Variants in PSD3 observed in about 807,000 individuals in gnomAD.
PSD3 encodes pleckstrin and Sec7 domain containing 3.
A neutral mutation model predicts 105.5 loss-of-function variants in PSD3; 49 were observed. The observed-to-expected ratio is 0.46, with a 90% confidence interval of 0.37 to 0.59. PSD3 has a LOEUF of 0.59. Ranked by LOEUF, PSD3 falls within the 20% of genes least tolerant of loss-of-function variation. The probability of loss-of-function intolerance (pLI) is 0.00; values close to 1 mark genes in which losing one functional copy is unlikely to be tolerated. For synonymous variants in PSD3, 557 were observed against 457.8 expected, an observed-to-expected ratio of 1.22 and a Z score of -2.77; for missense variants, 1,561 against 1,263.8, an observed-to-expected ratio of 1.24 and a Z score of -3.57.
In PSD3 at chr8:18,842,229, C is replaced by G. The variant is rs150682288; in HGVS notation, c.1634+25445G>C. Among the ~76,000 whole-genome samples the G allele has an allele frequency of 1.7e-4, 26 of 152,334 alleles. No homozygotes were observed. In the East Asian group the frequency reaches 5.0e-3, roughly 29 times the overall value. The stretch of plus-strand genomic sequence containing the variant: ...AGACCAAAGCCACAGCTACTCTATG[C>G]GACATCACTATGTGAATTCCCATAA... On this transcript the variant is annotated intron_variant, in intron 4 of 15. Transcript: ENST00000327040.
chr8:18,782,746 C>T (rs932406476), intron 8 of PSD3, among the ~76,000 whole-genome samples: 1 of 152,120 alleles, frequency 6.6e-6, no homozygotes, highest in African/African-American at 2.4e-5. Flanking sequence ...GCAACAGCAG[C>T]AGAGGGCTAA....
At chr8:19,020,076 C>G (rs1563513422) in intron 1 of PSD3, among the ~76,000 whole-genome samples, 2 of 152,066 alleles carry the variant, frequency 1.3e-5, no homozygotes. Context: ...GGTAGTTATT[C>G]TTTCATTCAT....
intron 12 of PSD3, 93 bp from the exon 13 acceptor site, chr8:18,575,378 G>A (rs1025280801): frequency 3.8e-5 from 46 of 1,221,452 alleles, no homozygotes; most frequent in East Asian, 1.9e-4. Flanking sequence ...TAGTTTTTAG[G>A]AAATCCAAGT....
intron 1 of PSD3, among the ~76,000 whole-genome samples, chr8:19,023,581 A>G (rs947394129): frequency 2.4e-5 from 3 of 124,626 alleles, no homozygotes; most frequent in Middle Eastern, 3.8e-3. Context: ...ACAGACATGC[A>G]TTACCGCACC....
At chr8:19,019,972 G>A (rs1236488547) in intron 1 of PSD3, among the ~76,000 whole-genome samples, 1 of 152,158 alleles carries the variant, frequency 6.6e-6, no homozygotes, top group Non-Finnish European at 1.5e-5. Flanking sequence ...CGGGGCATAG[G>A]GTAGACTCAG....
intron 12 of PSD3, among the ~76,000 whole-genome samples, chr8:18,598,168 C>G (rs1426027190): frequency 8.7e-4 from 1 of 1,156 alleles, no homozygotes; most frequent in African/African-American, 1.4e-3. Flanking sequence ...GAACAAAAAA[C>G]CAAACACCGC....
intron 1 of PSD3, among the ~76,000 whole-genome samples, chr8:19,049,120 C>T (rs1828426172): frequency 6.6e-6 from 1 of 152,076 alleles, no homozygotes. Flanking sequence ...CTCATTTTAC[C>T]TTAATTACCT....
chr8:18,973,470 C>T (rs920390056), intron 1 of PSD3, among the ~76,000 whole-genome samples: 3 of 152,152 alleles, frequency 2.0e-5, no homozygotes, highest in African/African-American at 7.2e-5. Flanking sequence ...GATGGTCTTT[C>T]CTGTGTGTAT....
At chr8:18,890,308 T>C (rs1818706228) in intron 2 of PSD3, among the ~76,000 whole-genome samples, 1 of 152,196 alleles carries the variant, frequency 6.6e-6, no homozygotes, top group South Asian at 2.1e-4. Flanking sequence ...AAAAATTCAA[T>C]GCCAATTTAA....
intron 15 of PSD3, among the ~76,000 whole-genome samples, chr8:18,543,540 C>A (rs899066458): frequency 1.3e-5 from 2 of 151,974 alleles, no homozygotes; most frequent in Non-Finnish European, 2.9e-5. Flanking sequence ...ATGGCCTGAA[C>A]CCAGGAGGCG....
chr8:18,562,901 GAAAA>G (rs1801486619), intron 14 of PSD3, among the ~76,000 whole-genome samples: 2 of 9,208 alleles, frequency 2.2e-4, no homozygotes, highest in East Asian at 0.33. Flanking sequence ...TAAAGAAAAA[GAAAA>G]AGAAAAAGAA....
At chr8:18,750,602 C>A (rs561170290) in intron 9 of PSD3, among the ~76,000 whole-genome samples, 18 of 152,208 alleles carry the variant, frequency 1.2e-4, no homozygotes, top group African/African-American at 3.9e-4. Flanking sequence ...CCACTGCTGG[C>A]TCCGGCAGCC....
chr8:18,623,501 A>C (rs1416425393), intron 11 of PSD3, among the ~76,000 whole-genome samples: 1 of 150,458 alleles, frequency 6.6e-6, no homozygotes, highest in Non-Finnish European at 1.5e-5. Flanking sequence ...TTAGCTGGGC[A>C]TGGTGGTATA....
chr8:18,535,780 C>G lies in PSD3; in HGVS notation c.3107G>C (p.Arg1036Pro). ...TTGCTTAATGCTTGGTGTTTCAGGTCGGTGATCCTTCCTCTCTGACACGTT... is the reference window on the plus strand; with the variant it reads ...TTGCTTAATGCTTGGTGTTTCAGGTGGGTGATCCTTCCTCTCTGACACGTT... ...KRNVSERKDH[R>P]PETPSIKQKV... Residue 1036 changes from arginine (R) to proline (P), a missense_variant, in exon 16 of 16, where the codon CGA becomes CCA. Arg to Pro is a moderately radical substitution (Grantham distance 103). Transcript: ENST00000327040. The G allele has an allele frequency of 6.2e-7, 1 of 1,613,940 alleles. No homozygotes were observed. Among genetic ancestry groups the G allele is most frequent in the Non-Finnish European group, 8.5e-7 (1 of 1,179,932 alleles).
intron 1 of PSD3, among the ~76,000 whole-genome samples, chr8:18,965,479 C>T (rs1335482261): frequency 3.3e-5 from 5 of 152,192 alleles, no homozygotes; most frequent in African/African-American, 1.2e-4. Flanking sequence ...ACAGTGACAG[C>T]AAGCATCACA....
chr8:18,710,260 T>C (rs1395966257), intron 9 of PSD3, among the ~76,000 whole-genome samples: 1 of 152,124 alleles, frequency 6.6e-6, no homozygotes, highest in Non-Finnish European at 1.5e-5. Context: ...GAAGACTATG[T>C]TGCTGAAGTA....
At chr8:18,715,926 T>C (rs1317018090) in intron 9 of PSD3, among the ~76,000 whole-genome samples, 1 of 152,198 alleles carries the variant, frequency 6.6e-6, no homozygotes, top group African/African-American at 2.4e-5. Context: ...TCTAACTTCA[T>C]AGAACATAGA....
intron 14 of PSD3, among the ~76,000 whole-genome samples, chr8:18,559,861 C>G (rs1363598871): frequency 6.6e-6 from 1 of 152,142 alleles, no homozygotes; most frequent in Non-Finnish European, 1.5e-5. Context: ...GGTTTGTTCA[C>G]TGTTACCAAG....
At chr8:18,580,328 GC>G (rs1802729824) in intron 12 of PSD3, among the ~76,000 whole-genome samples, 2 of 152,100 alleles carry the variant, frequency 1.3e-5, no homozygotes, top group South Asian at 4.1e-4. Context: ...AGTCTGGGAG[GC>G]CTTGAATCCT....
Sources: allele counts gnomAD v4.1 joint callset (sites outside exome capture counted in the v4.1 genomes callset), GRCh38; gene constraint gnomAD v4.1.1; transcripts MANE v1.5; gene names NCBI Gene and HGNC (gene_info 2026-07-23, HGNC 2026-07-21).